Variants in MLLT10 observed in about 807,000 individuals in gnomAD.
MLLT10 encodes protein AF-10.
A neutral mutation model predicts 129.1 loss-of-function variants in MLLT10; 30 were observed. That is an observed-to-expected ratio of 0.23 (90% confidence interval 0.17 to 0.32). The LOEUF (loss-of-function observed/expected upper bound fraction) is 0.32. Among genes scored for constraint, MLLT10 ranks in the 10% least tolerant of loss-of-function variants. MLLT10 has a pLI of 1.00. For synonymous variants in MLLT10, 490 were observed against 446.4 expected (o/e 1.10, Z -1.23); for missense variants, 1,119 against 1,268.3 (o/e 0.88, Z 1.79).
chr10:21,732,943 C>A lies in MLLT10; in HGVS notation c.2263C>A (p.Arg755=). 1.2e-6 allele frequency: 2 copies of A among 1,613,680 alleles called. No individual in the cohort carries two copies. The highest frequency in any genetic ancestry group is 1.7e-6 in the Non-Finnish European group (2 of 1,179,894). The change falls in exon 18 of 23, where the codon CGA becomes AGA. Residue 755 remains arginine (R), a synonymous_variant. Transcript: ENST00000307729. ...KSLHQLQVEN[R]RLEEQIKNLT... ...ATTACACCAACTTCAAGTTGAAAAC[C>A]GAAGATTAGAGGAACAAATTAAAAA...
intron 5 of MLLT10, among the ~76,000 whole-genome samples, chr10:21,608,339 T>G (rs1056903805): frequency 6.6e-6 from 1 of 151,728 alleles, no homozygotes. Flanking sequence ...CTGGATAATT[T>G]TTTTCTTTTT....
chr10:21,611,099 C>T (rs1276159012), intron 5 of MLLT10, among the ~76,000 whole-genome samples: 8 of 147,410 alleles, frequency 5.4e-5, no homozygotes, highest in African/African-American at 1.5e-4. Flanking sequence ...CTGGTTCAAG[C>T]GACTCTCCTG....
At chr10:21,556,709 T>A in intron 3 of MLLT10, 1 of 1,612,572 alleles carries the variant, frequency 6.2e-7, no homozygotes, top group South Asian at 1.1e-5. Context: ...AGAACATCAC[T>A]GCGCATGTGC....
intron 3 of MLLT10, among the ~76,000 whole-genome samples, chr10:21,581,096 A>G (rs1433213230): frequency 6.8e-6 from 1 of 147,332 alleles, no homozygotes; most frequent in Admixed American, 6.9e-5. Flanking sequence ...CCCAGGCTAG[A>G]GTGCAGTGGC....
At position 21,615,053 on chromosome 10, in the gene MLLT10, C is replaced by A. The variant is rs2045092097; in HGVS notation, c.603+129C>A. Reference sequence around the variant, plus strand: ...GTTTTTGGCTGGAGATTGTGTTTAGCATGTTCTTTATTGGAAGTAAATAGA... The same window carrying A: ...GTTTTTGGCTGGAGATTGTGTTTAGAATGTTCTTTATTGGAAGTAAATAGA... On this transcript the variant is annotated intron_variant, in intron 7 of 22. Coordinates refer to ENST00000307729, the MANE Select transcript of MLLT10 (RefSeq NM_001195626.3). The A allele has an allele frequency of 7.5e-6, 5 of 668,738 alleles. No homozygotes were observed. The East Asian group carries it at 1.4e-4, about 19-fold the overall frequency. 41.4% of individuals were successfully genotyped at this position (668,738 alleles called of 1,614,324 possible).
At chr10:21,680,247 G>A (rs1405075557) in intron 11 of MLLT10, among the ~76,000 whole-genome samples, 2 of 151,064 alleles carry the variant, frequency 1.3e-5, no homozygotes, top group Non-Finnish European at 2.9e-5. Flanking sequence ...GTCTTGCTCT[G>A]TCGCCCAGGC....
chr10:21,697,099 CAAAAAAAAAA>C lies in MLLT10; in HGVS notation c.1699+14856_1699+14865del, dbSNP rs1163740638. ...AGAAGTGAATTCTGTCTGATTTAAG[CAAAAAAAAAA>C]AAAAAAAAAAAAAGAGGGAGAATTT... is the stretch of plus-strand genomic sequence containing the variant. On this transcript the variant is annotated intron_variant, in intron 13 of 22. Transcript: ENST00000307729. Among the ~76,000 whole-genome samples, 27 of 82,660 alleles carry C rather than the reference CAAAAAAAAAA, an allele frequency of 3.3e-4. No homozygotes were observed. In the South Asian group the frequency reaches 3.3e-3, roughly 10 times the overall value. 54.2% of individuals were successfully genotyped at this position (82,660 alleles called of 152,430 possible). A position where few individuals can be genotyped will look rare whatever the true frequency, so the allele number is the denominator to read the frequency against.
intron 13 of MLLT10, among the ~76,000 whole-genome samples, chr10:21,704,032 T>TTTTTTTTTTG (rs2055211338): frequency 7.2e-6 from 1 of 139,816 alleles, no homozygotes; most frequent in Non-Finnish European, 1.5e-5. Flanking sequence ...TTTTTTTTTT[T>TTTTTTTTTTG]TTTTTTTGAT....
chr10:21,679,849 C>T (rs764023658), intron 11 of MLLT10, among the ~76,000 whole-genome samples: 6 of 152,120 alleles, frequency 3.9e-5, no homozygotes, highest in African/African-American at 1.2e-4. Context: ...GAGTCATGGG[C>T]GCACTCAAAA....
At chr10:21,682,102 C>A in intron 12 of MLLT10, 123 bp from the exon 13 acceptor site, 1 of 662,972 alleles carries the variant, frequency 1.5e-6, no homozygotes, top group Non-Finnish European at 2.4e-6. Flanking sequence ...TTTAATGATT[C>A]AAACAATGAT....
intron 14 of MLLT10, among the ~76,000 whole-genome samples, chr10:21,724,776 C>T (rs2057362049): frequency 6.6e-6 from 1 of 152,204 alleles, no homozygotes; most frequent in Non-Finnish European, 1.5e-5. Context: ...TCAAAGAAAG[C>T]ATTTTTATTA....
In MLLT10 at chr10:21,670,545, T is replaced by G. The variant is rs760157328; in HGVS notation, c.892T>G (p.Ser298Ala). ...RFTNANFQEVSAHTSSGKDVS... is the reference protein window; with the variant it reads ...RFTNANFQEVAAHTSSGKDVS... Reference sequence around the variant, plus strand: ...TACAAATGCAAATTTCCAGGAAGTCTCTGCACACACCTCTAGTGGAAAAGA... The same window carrying G: ...TACAAATGCAAATTTCCAGGAAGTCGCTGCACACACCTCTAGTGGAAAAGA... The change falls in exon 10 of 23, where the codon TCT becomes GCT. Residue 298 changes from serine (S) to alanine (A), a missense_variant. Around this residue, in one of 5 missense-constraint regions of MLLT10, gnomAD observed 1,004 missense variants for 1,008.7 expected, o/e 1.00. Transcript: ENST00000307729. 33 of 1,614,040 alleles carry G rather than the reference T, an allele frequency of 2.0e-5. 1 individual carries two copies. The South Asian group carries it at 3.3e-4, about 16-fold the overall frequency.
Position 21,742,571 on chromosome 10 carries a change from T to TG in MLLT10, c.*589dup, listed in dbSNP as rs1554882155. On this transcript the variant is annotated 3_prime_UTR_variant, in exon 23 of 23. Transcript: ENST00000307729. ...AATGGGATTTGGCCAATTTTGGTAA[T>TG]GAAGTTAGGATGGTAATGTCTGCAT... is the stretch of plus-strand genomic sequence containing the variant. The TG allele has an allele frequency of 9.2e-6, 2 of 217,718 alleles. No homozygotes were observed. Among genetic ancestry groups the TG allele is most frequent in the Non-Finnish European group, 9.2e-6 (1 of 108,526 alleles). The allele number at this position is 217,718 out of a possible 1,614,324, so 13.5% of individuals were successfully genotyped here.
At chr10:21,741,547 A>T (rs978553475) in intron 22 of MLLT10, among the ~76,000 whole-genome samples, 1 of 152,174 alleles carries the variant, frequency 6.6e-6, no homozygotes, top group African/African-American at 2.4e-5. Context: ...GATTAGTAAA[A>T]GGAAACGCAA....
At chr10:21,684,782 CGTT>C (rs770617967) in intron 13 of MLLT10, among the ~76,000 whole-genome samples, 14 of 152,186 alleles carry the variant, frequency 9.2e-5, no homozygotes, top group Admixed American at 5.9e-4. Context: ...TTCTTCATCT[CGTT>C]GTAATCTGAT....
intron 3 of MLLT10, among the ~76,000 whole-genome samples, chr10:21,542,485 G>A (rs2035347904): frequency 6.6e-6 from 1 of 152,206 alleles, no homozygotes; most frequent in African/African-American, 2.4e-5. Context: ...CAGGAGATCC[G>A]CCCGAACCCG....
chr10:21,619,685 A>C (rs1462922546), intron 8 of MLLT10, among the ~76,000 whole-genome samples: 1 of 152,152 alleles, frequency 6.6e-6, no homozygotes, highest in Non-Finnish European at 1.5e-5. Flanking sequence ...TCAAGCTTGA[A>C]TCTGTTTTTA....
intron 8 of MLLT10, among the ~76,000 whole-genome samples, chr10:21,643,918 G>C (rs1310659148): frequency 6.6e-6 from 1 of 152,076 alleles, no homozygotes; most frequent in Non-Finnish European, 1.5e-5. Flanking sequence ...GTCAGATGTG[G>C]TCTGCCTGCT....
chr10:21,595,834 A>T (rs572023112), intron 5 of MLLT10, among the ~76,000 whole-genome samples: 2 of 152,092 alleles, frequency 1.3e-5, no homozygotes, highest in African/African-American at 4.8e-5. Context: ...GAACAGTCCT[A>T]TATTAGAATG....
Sources: gnomAD v4.1 joint callset for allele counts (sites outside exome capture counted in the v4.1 genomes callset) on GRCh38, gnomAD v4.1.1 for gene constraint, gnomAD v4.1.1 regional missense constraint, MANE v1.5 for transcripts, NCBI Gene and HGNC (gene_info 2026-07-23, HGNC 2026-07-21) for gene names.